The following BRCC3 variants were observed in gnomAD, a reference collection of about 807,000 sequenced individuals.
BRCC3 encodes lys-63-specific deubiquitinase BRCC36.
In BRCC3, 15 loss-of-function variants were observed where a neutral mutation model predicts 28.0. That is an observed-to-expected ratio of 0.54 (90% CI 0.36 to 0.82). The LOEUF (loss-of-function observed/expected upper bound fraction) is 0.82, where lower values mean the gene tolerates loss of function less well. BRCC3 is among the 40% of genes least tolerant of loss of function. The probability of loss-of-function intolerance (pLI) is 0.01; values close to 1 mark genes in which losing one functional copy is unlikely to be tolerated. For missense variants in BRCC3, 109 were observed against 225.9 expected (o/e 0.48, Z 3.32); for synonymous variants, 66 against 80.3 (o/e 0.82, Z 0.95).
At chrX:155,094,137 A>G (rs782302569) in intron 7 of BRCC3, among the ~76,000 whole-genome samples, 42 of 110,279 alleles carry the variant, frequency 3.8e-4, no homozygotes, top group Non-Finnish European at 7.6e-4. Context: ...GTAGCTCATT[A>G]TTTGTGGCCT....
intron 7 of BRCC3, among the ~76,000 whole-genome samples, chrX:155,096,500 C>T (rs2074210686): frequency 1.8e-5 from 2 of 111,791 alleles, no homozygotes; most frequent in Admixed American, 9.5e-5. Context: ...TCAATAAACA[C>T]GTGAAAAATT....
intron 5 of BRCC3, among the ~76,000 whole-genome samples, chrX:155,086,817 A>G (rs918855332): frequency 4.5e-5 from 5 of 112,092 alleles, no homozygotes; most frequent in African/African-American, 1.6e-4. Context: ...AACATACAGC[A>G]AGCAGCAGCC....
At chrX:155,099,830 T>G (rs978028855) in intron 7 of BRCC3, among the ~76,000 whole-genome samples, 2 of 111,886 alleles carry the variant, frequency 1.8e-5, no homozygotes, top group Admixed American at 9.5e-5. Context: ...GTGAATGTCA[T>G]ACATTCATTT....
chrX:155,089,459 G>A, intron 6 of BRCC3, 108 bp downstream of exon 6: 1 of 486,747 alleles, frequency 2.1e-6, no homozygotes, highest in Non-Finnish European at 3.4e-6. Context: ...GGATGGTCAG[G>A]AAAGGTTTCA....
At chrX:155,118,326 C>T (rs1450937605) in intron 9 of BRCC3, among the ~76,000 whole-genome samples, 1 of 111,455 alleles carries the variant, frequency 9.0e-6, no homozygotes, top group Non-Finnish European at 1.9e-5. Context: ...CAAAAGGCTA[C>T]ATACTCCATG....
chrX:155,112,114 A>T (rs2074325621), intron 7 of BRCC3, among the ~76,000 whole-genome samples: 2 of 112,041 alleles, frequency 1.8e-5, no homozygotes, highest in Non-Finnish European at 3.8e-5. Flanking sequence ...AGCATATGAT[A>T]TGTTCTCGTT....
intron 7 of BRCC3, among the ~76,000 whole-genome samples, chrX:155,114,332 A>G (rs2074340687): frequency 9.0e-6 from 1 of 111,455 alleles, no homozygotes; most frequent in Non-Finnish European, 1.9e-5. Context: ...TGAGAATATT[A>G]TGCTAAGTGA....
intron 5 of BRCC3, among the ~76,000 whole-genome samples, chrX:155,084,064 CAT>C (rs1473851310): frequency 8.9e-6 from 1 of 112,144 alleles, no homozygotes; most frequent in Non-Finnish European, 1.9e-5. Context: ...GAGGAGGAAA[CAT>C]AGGTTTGGTG....
At chrX:155,116,545 A>C (rs2074357402) in intron 8 of BRCC3, among the ~76,000 whole-genome samples, 166 bp from the exon 9 acceptor site, 1 of 111,861 alleles carries the variant, frequency 8.9e-6, no homozygotes, top group Admixed American at 9.5e-5. Flanking sequence ...TATCACTTTG[A>C]ATTATCTTTG....
intron 5 of BRCC3, among the ~76,000 whole-genome samples, chrX:155,081,331 CAAA>C: frequency 2.4e-5 from 1 of 40,925 alleles, no homozygotes. Flanking sequence ...GATTCTGTCT[CAAA>C]AAAAAAAAAA....
At chrX:155,118,277 C>T (rs993625897) in intron 9 of BRCC3, among the ~76,000 whole-genome samples, 2 of 107,592 alleles carry the variant, frequency 1.9e-5, no homozygotes, top group Non-Finnish European at 3.9e-5. Flanking sequence ...AAAAAGGACG[C>T]GTCTCAAGAA....
At chrX:155,083,517 T>TA (rs1456567051) in intron 5 of BRCC3, among the ~76,000 whole-genome samples, 2 of 112,236 alleles carry the variant, frequency 1.8e-5, no homozygotes, top group Admixed American at 1.9e-4. Flanking sequence ...CTCTGTTTTT[T>TA]ATGCCCCTCT....
At chrX:155,090,722 G>A (rs1421306566) in intron 6 of BRCC3, 62 bp from the exon 7 acceptor site, 3 of 910,993 alleles carry the variant, frequency 3.3e-6, no homozygotes. Context: ...GACCTTTGGG[G>A]TCTTTTTCAA....
chrX:155,072,569 G>T (rs187419584), intron 2 of BRCC3, among the ~76,000 whole-genome samples: 4 of 111,034 alleles, frequency 3.6e-5, no homozygotes, highest in African/African-American at 1.3e-4. Flanking sequence ...TAATTGTTGC[G>T]TTTTAGGGGT....
chrX:155,102,954 T>C (rs2074256143), intron 7 of BRCC3, among the ~76,000 whole-genome samples: 1 of 111,602 alleles, frequency 9.0e-6, no homozygotes. Context: ...TGTGTGCGTG[T>C]GTGTGTGTTG....
At chrX:155,092,166 G>A (rs1340253129) in intron 7 of BRCC3, among the ~76,000 whole-genome samples, 1 of 111,107 alleles carries the variant, frequency 9.0e-6, no homozygotes, top group African/African-American at 3.3e-5. Context: ...ATTTATTATT[G>A]TGTTATATTG....
At chrX:155,097,606 C>A (rs1301471915) in intron 7 of BRCC3, among the ~76,000 whole-genome samples, 1 of 111,909 alleles carries the variant, frequency 8.9e-6, no homozygotes, top group Non-Finnish European at 1.9e-5. Flanking sequence ...TTTTAAAAAA[C>A]CAGAAAATAA....
chrX:155,093,493 T>C (rs1432110046), intron 7 of BRCC3, among the ~76,000 whole-genome samples: 4 of 108,290 alleles, frequency 3.7e-5, no homozygotes, highest in African/African-American at 1.3e-4. Context: ...CTGGTTATGG[T>C]AGTCAGTGTA....
intron 7 of BRCC3, among the ~76,000 whole-genome samples, chrX:155,093,021 T>A (rs1167380329): frequency 9.0e-6 from 1 of 111,287 alleles, no homozygotes; most frequent in East Asian, 2.8e-4. Flanking sequence ...AAACATCCAA[T>A]GTTACTGATG....
Sources: gnomAD v4.1 joint callset for allele counts (sites outside exome capture counted in the v4.1 genomes callset) on GRCh38, gnomAD v4.1.1 for gene constraint, MANE v1.5 for transcripts, NCBI Gene and HGNC (gene_info 2026-07-23, HGNC 2026-07-21) for gene names.